Variants in TSNARE1 observed in about 807,000 individuals in gnomAD.
TSNARE1 encodes t-SNARE domain-containing protein 1.
Under a neutral mutation model 62.0 loss-of-function variants are expected in TSNARE1, and 49 were observed. The ratio of observed to expected loss-of-function variants is 0.79; its 90% CI spans 0.63 to 1.00. The LOEUF (loss-of-function observed/expected upper bound fraction) is 1.00, where lower values mean the gene tolerates loss of function less well. TSNARE1 is among the 50% of genes least tolerant of loss of function. TSNARE1 has a pLI of 0.00. For synonymous variants in TSNARE1, 328 were observed against 294.4 expected, an observed-to-expected ratio of 1.11 and a Z score of -1.17; for missense variants, 755 against 700.1, an observed-to-expected ratio of 1.08 and a Z score of -0.88.
At chr8:142,360,472 T>C (rs1371673948) in intron 1 of TSNARE1, among the ~76,000 whole-genome samples, 1 of 152,078 alleles carries the variant, frequency 6.6e-6, no homozygotes, top group African/African-American at 2.4e-5. Flanking sequence ...TGCCCAAGAA[T>C]AGCCCGAGCT....
intron 13 of TSNARE1, among the ~76,000 whole-genome samples, chr8:142,221,709 C>CCACTCATCCACT (rs1563753792): frequency 2.9e-5 from 3 of 103,818 alleles, no homozygotes; most frequent in African/African-American, 1.0e-4. Context: ...ACTCACTCAT[C>CCACTCATCCACT]CACTCACTCA....
intron 13 of TSNARE1, among the ~76,000 whole-genome samples, chr8:142,227,382 CCTGCCA>C (rs1816882761): frequency 1.7e-5 from 2 of 121,212 alleles, no homozygotes; most frequent in Non-Finnish European, 3.6e-5. Context: ...GGACCCCCAT[CCTGCCA>C]ATAGCCCCAG....
intron 10 of TSNARE1, among the ~76,000 whole-genome samples, chr8:142,285,110 T>C (rs554474905): frequency 1.6e-4 from 24 of 151,908 alleles, no homozygotes; most frequent in African/African-American, 5.3e-4. Context: ...GATGCGTGAA[T>C]AGGTGGGTGG....
chr8:142,280,917 T>C (rs1821328709), intron 11 of TSNARE1, among the ~76,000 whole-genome samples: 1 of 152,040 alleles, frequency 6.6e-6, no homozygotes, highest in Non-Finnish European at 1.5e-5. Flanking sequence ...CAGAGCAGCT[T>C]GAAGCCCAGG....
chr8:142,374,539 C>T (rs1172276316), intron 1 of TSNARE1, among the ~76,000 whole-genome samples: 1 of 151,790 alleles, frequency 6.6e-6, no homozygotes, highest in Non-Finnish European at 1.5e-5. Context: ...ATTAGCCAGG[C>T]GTGATGGCGG....
chr8:142,240,467 G>T (rs1490007475), intron 12 of TSNARE1, among the ~76,000 whole-genome samples: 1 of 152,090 alleles, frequency 6.6e-6, no homozygotes, highest in Non-Finnish European at 1.5e-5. Context: ...TAAAAATACC[G>T]AGATCTGAAC....
At chr8:142,357,943 G>C (rs1341014857) in intron 1 of TSNARE1, among the ~76,000 whole-genome samples, 1 of 152,136 alleles carries the variant, frequency 6.6e-6, no homozygotes, top group Non-Finnish European at 1.5e-5. Flanking sequence ...GGCCATCACT[G>C]CAAAGGGCGG....
At chr8:142,253,333 G>A (rs1443099705) in intron 12 of TSNARE1, among the ~76,000 whole-genome samples, 2 of 152,220 alleles carry the variant, frequency 1.3e-5, no homozygotes, top group Non-Finnish European at 2.9e-5. Context: ...GTCTGCACAG[G>A]GTCAGAGGGC....
At chr8:142,273,172 C>A (rs1819876617) in intron 12 of TSNARE1, 2 of 985,142 alleles carry the variant, frequency 2.0e-6, no homozygotes, top group Non-Finnish European at 2.4e-6. Context: ...TTGCCACTGC[C>A]CTCCTTTCCT....
chr8:142,343,803 A>AGGAGGAGGAGGAGGAGGG (rs1563952697), intron 4 of TSNARE1, among the ~76,000 whole-genome samples, 163 bp downstream of exon 4: 1 of 33,506 alleles, frequency 3.0e-5, no homozygotes, highest in Admixed American at 3.4e-4. Context: ...GAGGGGGAGG[A>AGGAGGAGGAGGAGGAGGG]GGAGGAGGAG....
At chr8:142,387,606 G>A (rs747097983) in intron 1 of TSNARE1, among the ~76,000 whole-genome samples, 3 of 151,996 alleles carry the variant, frequency 2.0e-5, no homozygotes, top group Non-Finnish European at 2.9e-5. Flanking sequence ...AGTCACAGAA[G>A]ATCATTTTAC....
At chr8:142,248,352 A>G (rs181853578) in intron 12 of TSNARE1, among the ~76,000 whole-genome samples, 235 of 152,384 alleles carry the variant, frequency 1.5e-3, no homozygotes, top group African/African-American at 5.1e-3. Flanking sequence ...TGGCAGCTCC[A>G]GGATGCCCGC....
At chr8:142,320,421 G>C (rs1829313318) in intron 6 of TSNARE1, among the ~76,000 whole-genome samples, 1 of 146,338 alleles carries the variant, frequency 6.8e-6, no homozygotes, top group Admixed American at 6.8e-5. Flanking sequence ...CCACCCTCCT[G>C]TACCTCCGAC....
At chr8:142,232,017 G>A (rs538468915) in intron 12 of TSNARE1, among the ~76,000 whole-genome samples, 1 of 152,226 alleles carries the variant, frequency 6.6e-6, no homozygotes. Context: ...GGGAGCAAAG[G>A]GCATGGAAAA....
intron 10 of TSNARE1, among the ~76,000 whole-genome samples, chr8:142,299,436 G>A (rs1471971754): frequency 1.3e-5 from 2 of 152,252 alleles, no homozygotes; most frequent in Admixed American, 6.5e-5. Flanking sequence ...AGAGTGGGCA[G>A]GCCCTAGCGC....
chr8:142,264,718 T>C (rs1461083652), intron 12 of TSNARE1, among the ~76,000 whole-genome samples: 1 of 152,262 alleles, frequency 6.6e-6, no homozygotes, highest in Non-Finnish European at 1.5e-5. Context: ...CATTGCTACT[T>C]AAGCTCTCTT....
At chr8:142,349,513 G>A (rs1047692711) in intron 2 of TSNARE1, among the ~76,000 whole-genome samples, 1 of 152,164 alleles carries the variant, frequency 6.6e-6, no homozygotes, top group Non-Finnish European at 1.5e-5. Context: ...ATGAAACTAT[G>A]AGCAGAAATC....
chr8:142,216,212 T>C (rs1279566582), intron 13 of TSNARE1, among the ~76,000 whole-genome samples: 4 of 152,152 alleles, frequency 2.6e-5, no homozygotes, highest in African/African-American at 9.7e-5. Flanking sequence ...TCTGCCATGG[T>C]GCCCCCGCCC....
At chr8:142,360,992 G>C (rs529025166) in intron 1 of TSNARE1, among the ~76,000 whole-genome samples, 1 of 152,152 alleles carries the variant, frequency 6.6e-6, no homozygotes, top group Non-Finnish European at 1.5e-5. Context: ...TCCCCCAGCA[G>C]ATGGGAACAG....
Sources: gnomAD v4.1 joint callset for allele counts (sites outside exome capture counted in the v4.1 genomes callset) on GRCh38, gnomAD v4.1.1 for gene constraint, MANE v1.5 for transcripts, NCBI Gene and HGNC (gene_info 2026-07-23, HGNC 2026-07-21) for gene names.